PSG3: variants seen among roughly 807,000 people sequenced by gnomAD.
PSG3 encodes pregnancy-specific beta-1-glycoprotein 3.
A neutral mutation model predicts 47.5 loss-of-function variants in PSG3; 61 were observed. The observed-to-expected ratio is 1.28, with a 90% CI of 1.05 to 1.59. The LOEUF (loss-of-function observed/expected upper bound fraction) is 1.59. PSG3 is among the 40% of genes most tolerant of loss of function. The pLI is 0.00. For synonymous variants in PSG3, 263 were observed against 198.4 expected, an observed-to-expected ratio of 1.33 and a Z score of -2.74; for missense variants, 756 against 524.0, an observed-to-expected ratio of 1.44 and a Z score of -4.32.
At chr19:42,737,106 G>A (rs1166689128) in intron 2 of PSG3, among the ~76,000 whole-genome samples, 1 of 152,036 alleles carries the variant, frequency 6.6e-6, no homozygotes, top group African/African-American at 2.4e-5. Context: ...GAGACCCCAG[G>A]GACCAGGTGC....
intron 2 of PSG3, among the ~76,000 whole-genome samples, chr19:42,737,885 A>C (rs1174085187): frequency 6.6e-6 from 1 of 152,186 alleles, no homozygotes; most frequent in African/African-American, 2.4e-5. Context: ...ATAAATGTTA[A>C]ATGATTCACA....
Position 42,729,841 on chromosome 19 carries a change from G to C in PSG3, c.925C>G (p.Gln309Glu), listed in dbSNP as rs1181270467. 5.3e-5 allele frequency: 85 copies of C among 1,613,518 alleles called. No homozygotes were observed. Among genetic ancestry groups the C allele is most frequent in the Non-Finnish European group, 7.0e-5 (83 of 1,179,854 alleles). ...CCATATCGGTCCTGTATTTCACATT[G>C]ATAGGGTCCTGTTTCATTTCTCGTG... ...SVTRNETGPYQCEIQDRYGGI... is the reference protein window; with the variant it reads ...SVTRNETGPYECEIQDRYGGI... The change falls in exon 4 of 7, where the codon CAA becomes GAA. Residue 309 changes from glutamine (Q) to glutamate (E), a missense_variant. Gln to Glu is a conservative substitution (Grantham distance 29). Transcript: ENST00000327495.
At chr19:42,737,834 C>G (rs1480721784) in intron 2 of PSG3, among the ~76,000 whole-genome samples, 3 of 152,168 alleles carry the variant, frequency 2.0e-5, no homozygotes, top group Non-Finnish European at 2.9e-5. Context: ...AACAAATAAG[C>G]TAAATGGCAA....
chr19:42,730,165 T>A, intron 3 of PSG3, 109 bp from the exon 4 acceptor site: 5 of 1,537,170 alleles, frequency 3.3e-6, no homozygotes, highest in Non-Finnish European at 4.4e-6. Flanking sequence ...CCCGAGTCCT[T>A]GAAAGCCAAT....
chr19:42,732,661 C>T (rs1297526019), intron 3 of PSG3, 123 bp downstream of exon 3: 8 of 1,608,342 alleles, frequency 5.0e-6, no homozygotes, highest in Middle Eastern at 3.4e-4. Flanking sequence ...AAGTCATGGC[C>T]AGGTTTGATG....
In PSG3 at chr19:42,740,481, T is replaced by G. The variant is rs1969655978; in HGVS notation, c.-97A>C. On this transcript the variant is annotated 5_prime_UTR_variant, in exon 1 of 7. Transcript: ENST00000327495. ...TCAGCTGTGCTGTCCTTCCTCCTTCTGCGCTGAGCCTCTTCCCGGGGCAGG... is the reference window on the plus strand; with the variant it reads ...TCAGCTGTGCTGTCCTTCCTCCTTCGGCGCTGAGCCTCTTCCCGGGGCAGG... The G allele has an allele frequency of 1.2e-6, 2 of 1,605,476 alleles. No individual in the cohort carries two copies. The highest frequency in any genetic ancestry group is 1.7e-6 in the Non-Finnish European group (2 of 1,176,190).
Position 42,729,124 on chromosome 19 carries a change from A to G in PSG3, c.1242T>C (p.Ser414=), listed in dbSNP as rs954319551. 8.7e-6 allele frequency: 14 copies of G among 1,613,874 alleles called. No homozygotes were observed. The highest frequency in any genetic ancestry group is 1.1e-5 in the Non-Finnish European group (13 of 1,179,868). Residue 414 remains serine, a splice_region_variant and synonymous_variant, in exon 5 of 7, where the codon TCT becomes TCC. Transcript: ENST00000327495. ...CCAAGCATGCTGGGATCCACTTACC[A>G]GAGACTTTGACTGTCATGGATTTGG... The part of the protein sequence containing the change: ...ESSKSMTVKV[S]APSGTGHLPG...
At chr19:42,733,932 C>T (rs949281349) in intron 2 of PSG3, 10 of 152,138 alleles carry the variant, frequency 6.6e-5, no homozygotes, top group Non-Finnish European at 1.5e-4. Context: ...GTCTGGCCCT[C>T]ATGGACCATA....
intron 5 of PSG3, among the ~76,000 whole-genome samples, chr19:42,725,218 G>T (rs139217826): frequency 0.012 from 1,771 of 152,264 alleles, 84 homozygotes; most frequent in Admixed American, 0.082. Flanking sequence ...TATGAAGAAA[G>T]CACTCTTATT....
intron 2 of PSG3, among the ~76,000 whole-genome samples, chr19:42,734,985 G>T (rs1232090771): frequency 2.0e-5 from 3 of 152,188 alleles, no homozygotes; most frequent in African/African-American, 7.2e-5. Flanking sequence ...AATGGTTTGT[G>T]TGTCTCCCCA....
chr19:42,737,143 G>A (rs988399983), intron 2 of PSG3, among the ~76,000 whole-genome samples: 4 of 152,198 alleles, frequency 2.6e-5, no homozygotes, highest in African/African-American at 9.6e-5. Flanking sequence ...CAGGACCAAG[G>A]AGCCCTGAGA....
chr19:42,724,426 G>T (rs1271236463), intron 5 of PSG3, among the ~76,000 whole-genome samples: 1 of 152,112 alleles, frequency 6.6e-6, no homozygotes, highest in Non-Finnish European at 1.5e-5. Context: ...TTGACAGAAG[G>T]CCCAGGTCAG....
intron 6 of PSG3, among the ~76,000 whole-genome samples, chr19:42,722,505 C>T (rs566428222): frequency 2.5e-4 from 38 of 152,310 alleles, no homozygotes; most frequent in African/African-American, 8.9e-4. Flanking sequence ...CCGCCCACCT[C>T]GGCCTCCCAA....
At position 42,729,174 on chromosome 19, in the gene PSG3, T is replaced by A; in HGVS notation, c.1192A>T (p.Asn398Tyr). The A allele has an allele frequency of 6.2e-7, 1 of 1,613,982 alleles. No homozygotes were observed. The highest frequency in any genetic ancestry group is 8.5e-7 in the Non-Finnish European group (1 of 1,179,858). The change falls in exon 5 of 7, where the codon AAC becomes TAC. Residue 398 changes from asparagine to tyrosine, a missense_variant. Physicochemically the swap from Asn to Tyr is moderately radical, Grantham distance 143. Coordinates refer to ENST00000327495, the MANE Select transcript of PSG3 (RefSeq NM_021016.4). Reference sequence around the variant, plus strand: ...GAGCTTTCCATGCCAGTGGCTGAGTTACGAACAGAGCAAGCATAGAGCCCG... The same window carrying A: ...GAGCTTTCCATGCCAGTGGCTGAGTAACGAACAGAGCAAGCATAGAGCCCG... ...HSGLYACSVR[N>Y]SATGMESSKS...
At chr19:42,722,890 A>G (rs1969320813) in intron 6 of PSG3, among the ~76,000 whole-genome samples, 1 of 152,242 alleles carries the variant, frequency 6.6e-6, no homozygotes, top group Non-Finnish European at 1.5e-5. Context: ...AGACTTAAAA[A>G]TTACCAATGC....
Position 42,740,417 on chromosome 19 carries a change from A to C in PSG3, c.-33T>G. On this transcript the variant is annotated 5_prime_UTR_variant, in exon 1 of 7. Transcript: ENST00000327495. ...GCTGCCTGCGTGTTCTCCTCTGTGG[A>C]GCTGAGCCTAGGATCCAGAAACTTC... 4 of 1,613,766 alleles carry C rather than the reference A, an allele frequency of 2.5e-6. No individual in the cohort carries two copies. Among genetic ancestry groups the C allele is most frequent in the Non-Finnish European group, 3.4e-6 (4 of 1,179,850 alleles).
intron 1 of PSG3, 91 bp downstream of exon 1, chr19:42,740,230 A>G (rs1352890629): frequency 6.2e-7 from 1 of 1,609,712 alleles, no homozygotes; most frequent in African/African-American, 1.3e-5. Flanking sequence ...GGCTTCTTTT[A>G]TTTTTTAGAA....
chr19:42,738,278 C>G (rs181201424), intron 2 of PSG3, among the ~76,000 whole-genome samples: 1 of 152,218 alleles, frequency 6.6e-6, no homozygotes, highest in South Asian at 2.1e-4. Flanking sequence ...AGCGACAACC[C>G]AGCCCCAGTA....
chr19:42,740,156 G>A lies in PSG3; in HGVS notation c.64+165C>T, dbSNP rs1969646600. Among the ~76,000 whole-genome samples, 2 of 152,072 alleles carry A rather than the reference G, an allele frequency of 1.3e-5. 1 individual carries two copies. The highest frequency in any genetic ancestry group is 4.1e-4 in the South Asian group (2 of 4,820). On this transcript the variant is annotated intron_variant, in intron 1 of 6. Transcript: ENST00000327495. Reference sequence around the variant, plus strand: ...TTTAGTAGAGACAGGGCTTCACTGTGTTGGCCAGACTGATCTTGAACTCCT... The same window carrying A: ...TTTAGTAGAGACAGGGCTTCACTGTATTGGCCAGACTGATCTTGAACTCCT...
Sources: allele counts gnomAD v4.1 joint callset (sites outside exome capture counted in the v4.1 genomes callset), GRCh38; gene constraint gnomAD v4.1.1; transcripts MANE v1.5; gene names NCBI Gene and HGNC (gene_info 2026-07-23, HGNC 2026-07-21).